Variants in ROR1 observed in about 807,000 individuals in gnomAD.
ROR1 encodes inactive tyrosine-protein kinase transmembrane receptor ROR1.
In ROR1, 19 loss-of-function variants were observed where a neutral mutation model predicts 78.8. That is an observed-to-expected ratio of 0.24 (90% CI 0.17 to 0.35). The LOEUF is 0.35. ROR1 is among the 10% of genes least tolerant of loss of function. ROR1 has a pLI of 1.00. For missense variants in ROR1, 917 were observed against 1,177.8 expected, an observed-to-expected ratio of 0.78 and a Z score of 3.24; for synonymous variants, 386 against 433.6, an observed-to-expected ratio of 0.89 and a Z score of 1.36.
At chr1:64,100,220 G>T (rs911260271) in intron 4 of ROR1, among the ~76,000 whole-genome samples, 12 of 152,098 alleles carry the variant, frequency 7.9e-5, no homozygotes, top group Admixed American at 7.9e-4. Context: ...GGTGGCTCGT[G>T]TCTGTAATCC....
chr1:64,006,654 A>G (rs1646430075), intron 1 of ROR1, among the ~76,000 whole-genome samples: 1 of 152,136 alleles, frequency 6.6e-6, no homozygotes. Flanking sequence ...TCCCTGCCAT[A>G]CTGCCTATCT....
chr1:63,878,487 T>G (rs968995481), intron 1 of ROR1, among the ~76,000 whole-genome samples: 6 of 78,458 alleles, frequency 7.6e-5, no homozygotes, highest in African/African-American at 2.6e-4. Flanking sequence ...ACATTGTAGC[T>G]GGAGTGATTT....
intron 1 of ROR1, among the ~76,000 whole-genome samples, chr1:63,948,778 T>C (rs1211704799): frequency 1.3e-5 from 2 of 152,164 alleles, no homozygotes; most frequent in Non-Finnish European, 2.9e-5. Context: ...CCTTATTCTT[T>C]CTGCCATGAG....
chr1:63,904,550 T>C (rs187442172), intron 1 of ROR1, among the ~76,000 whole-genome samples: 37 of 152,322 alleles, frequency 2.4e-4, no homozygotes, highest in African/African-American at 8.4e-4. Context: ...CTGTTATGAA[T>C]TGAGGTGTGT....
At chr1:63,928,364 A>G (rs1645724579) in intron 1 of ROR1, among the ~76,000 whole-genome samples, 1 of 152,174 alleles carries the variant, frequency 6.6e-6, no homozygotes, top group African/African-American at 2.4e-5. Flanking sequence ...CCAAGAGGCC[A>G]TTGGCACTCA....
At chr1:63,987,579 A>C (rs1646262764) in intron 1 of ROR1, among the ~76,000 whole-genome samples, 1 of 152,212 alleles carries the variant, frequency 6.6e-6, no homozygotes, top group Admixed American at 6.5e-5. Context: ...ATGCTTTCAG[A>C]GAGCAGCAGA....
chr1:63,836,223 A>C (rs748933199), intron 1 of ROR1, among the ~76,000 whole-genome samples: 14 of 152,222 alleles, frequency 9.2e-5, no homozygotes, highest in Admixed American at 4.6e-4. Flanking sequence ...TCCAGAGTCC[A>C]AGCCCTAAGC....
At chr1:63,869,012 C>T (rs763679324) in intron 1 of ROR1, among the ~76,000 whole-genome samples, 24 of 152,142 alleles carry the variant, frequency 1.6e-4, no homozygotes, top group Non-Finnish European at 3.2e-4. Context: ...TTTGTTGTCC[C>T]CCACAACCTT....
At chr1:63,908,185 G>A (rs779084112) in intron 1 of ROR1, among the ~76,000 whole-genome samples, 5 of 152,100 alleles carry the variant, frequency 3.3e-5, no homozygotes, top group Admixed American at 6.5e-5. Flanking sequence ...AAGAGTTGTC[G>A]GATATGGGTT....
intron 1 of ROR1, among the ~76,000 whole-genome samples, chr1:63,799,010 A>G (rs766225330): frequency 2.6e-5 from 4 of 152,180 alleles, no homozygotes; most frequent in East Asian, 1.9e-4. Context: ...TTGATTCAAC[A>G]GCTGGATTAA....
At chr1:63,880,150 G>C (rs1027515338) in intron 1 of ROR1, among the ~76,000 whole-genome samples, 1 of 152,128 alleles carries the variant, frequency 6.6e-6, no homozygotes, top group Non-Finnish European at 1.5e-5. Context: ...GACTACAAGA[G>C]CTCTTCTAAG....
chr1:64,143,278 A>G (rs2100714153), intron 7 of ROR1: 4 of 973,632 alleles, frequency 4.1e-6, no homozygotes, highest in Non-Finnish European at 4.9e-6. Flanking sequence ...CCAACACTCT[A>G]GGAAGGCCGA....
At chr1:64,034,829 GAACT>G (rs1288738751) in intron 2 of ROR1, among the ~76,000 whole-genome samples, 1 of 152,070 alleles carries the variant, frequency 6.6e-6, no homozygotes, top group Non-Finnish European at 1.5e-5. Flanking sequence ...GGAAGAAATG[GAACT>G]AATAAGAACC....
chr1:64,138,204 C>T (rs1348249200), intron 5 of ROR1, among the ~76,000 whole-genome samples: 1 of 152,180 alleles, frequency 6.6e-6, no homozygotes, highest in Non-Finnish European at 1.5e-5. Context: ...AGTTATGATG[C>T]CTCTGTGTCA....
intron 1 of ROR1, among the ~76,000 whole-genome samples, chr1:63,904,133 A>G (rs1467874804): frequency 6.6e-6 from 1 of 152,136 alleles, no homozygotes; most frequent in African/African-American, 2.4e-5. Flanking sequence ...GAGCTGAAGA[A>G]CTCAAGTCTC....
At chr1:63,810,300 T>C (rs1644853591) in intron 1 of ROR1, among the ~76,000 whole-genome samples, 1 of 152,244 alleles carries the variant, frequency 6.6e-6, no homozygotes, top group Non-Finnish European at 1.5e-5. Context: ...TTCTAAGGCA[T>C]TCTCTTTCCT....
At chr1:63,963,385 T>C (rs1162852251) in intron 1 of ROR1, among the ~76,000 whole-genome samples, 1 of 151,912 alleles carries the variant, frequency 6.6e-6, no homozygotes, top group Non-Finnish European at 1.5e-5. Context: ...CTGACCAACA[T>C]GGTGAAACCC....
chr1:63,987,401 A>C (rs1350770228), intron 1 of ROR1, among the ~76,000 whole-genome samples: 1 of 152,184 alleles, frequency 6.6e-6, no homozygotes, highest in East Asian at 1.9e-4. Context: ...CTGCCTGCCA[A>C]CTTAACGCAC....
chr1:64,174,298 T>C (rs1270828822), intron 8 of ROR1, among the ~76,000 whole-genome samples: 1 of 152,218 alleles, frequency 6.6e-6, no homozygotes, highest in East Asian at 1.9e-4. Context: ...ATAAGACCTA[T>C]GCCACAGGAT....
Sources: gnomAD v4.1 joint callset for allele counts (sites outside exome capture counted in the v4.1 genomes callset) on GRCh38, gnomAD v4.1.1 for gene constraint, MANE v1.5 for transcripts, NCBI Gene and HGNC (gene_info 2026-07-23, HGNC 2026-07-21) for gene names.